Variants in STK3 observed in about 807,000 individuals in gnomAD.
STK3 encodes the protein serine/threonine-protein kinase 3.
In STK3, 41 loss-of-function variants were observed where a neutral mutation model predicts 58.0. The ratio of observed to expected loss-of-function variants is 0.71; its 90% CI spans 0.55 to 0.92. The LOEUF (loss-of-function observed/expected upper bound fraction) is 0.92. Ranked by LOEUF, STK3 falls within the 40% of genes least tolerant of loss-of-function variation. The pLI is 0.00. For synonymous variants in STK3, 170 were observed against 191.0 expected (o/e 0.89, Z 0.91); for missense variants, 479 against 602.7 (o/e 0.79, Z 2.15).
chr8:98,825,306 G>A (rs1835178726), intron 1 of STK3, among the ~76,000 whole-genome samples: 3 of 152,068 alleles, frequency 2.0e-5, no homozygotes, highest in South Asian at 2.1e-4. Flanking sequence ...CCTGCCGGCC[G>A]CAGGGGAGGC....
chr8:98,910,310 AC>A (rs1037907435), intron 1 of STK3, among the ~76,000 whole-genome samples: 1 of 152,218 alleles, frequency 6.6e-6, no homozygotes, highest in African/African-American at 2.4e-5. Context: ...TGAAAATGTA[AC>A]CAGGACTTAA....
chr8:98,635,857 G>A (rs1355665078), intron 6 of STK3, among the ~76,000 whole-genome samples: 1 of 150,570 alleles, frequency 6.6e-6, no homozygotes, highest in Non-Finnish European at 1.5e-5. Context: ...AATGCAGATT[G>A]CTGAACCCCT....
intron 1 of STK3, chr8:98,904,733 G>T (rs1838820710): frequency 2.4e-6 from 2 of 833,272 alleles, no homozygotes; most frequent in Non-Finnish European, 2.0e-6. Flanking sequence ...CTCTCCAACT[G>T]TGGGGAGCAT....
intron 1 of STK3, chr8:98,905,496 T>C: frequency 6.8e-6 from 8 of 1,179,314 alleles, no homozygotes; most frequent in Middle Eastern, 1.9e-4. Flanking sequence ...CCCATGAAGC[T>C]TGTAATGATG....
chr8:98,404,135 G>A (rs1046193875), intron 3 of STK3, among the ~76,000 whole-genome samples: 6 of 152,142 alleles, frequency 3.9e-5, no homozygotes, highest in African/African-American at 1.2e-4. Flanking sequence ...CATTTACAGC[G>A]AATCTAGTTT....
At chr8:98,700,833 C>T (rs772682362) in intron 6 of STK3, among the ~76,000 whole-genome samples, 4 of 152,122 alleles carry the variant, frequency 2.6e-5, no homozygotes, top group Non-Finnish European at 5.9e-5. Context: ...TTTCCCTATG[C>T]TGAACAACAG....
At chr8:98,785,808 C>T (rs997112058) in intron 1 of STK3, among the ~76,000 whole-genome samples, 1 of 152,060 alleles carries the variant, frequency 6.6e-6, no homozygotes, top group African/African-American at 2.4e-5. Flanking sequence ...CACTCACAAC[C>T]CCTAAGGAGT....
At chr8:98,678,712 T>C (rs907895422) in intron 6 of STK3, among the ~76,000 whole-genome samples, 1 of 152,218 alleles carries the variant, frequency 6.6e-6, no homozygotes, top group South Asian at 2.1e-4. Context: ...AAAACCAGTA[T>C]GTACTAATGG....
At chr8:98,521,914 G>C (rs1262868093) in intron 10 of STK3, among the ~76,000 whole-genome samples, 1 of 151,902 alleles carries the variant, frequency 6.6e-6, no homozygotes, top group African/African-American at 2.4e-5. Flanking sequence ...AAACCACATG[G>C]CAATGTCTGA....
chr8:98,907,814 G>A (rs1838975273), intron 1 of STK3, among the ~76,000 whole-genome samples: 1 of 152,134 alleles, frequency 6.6e-6, no homozygotes, highest in Non-Finnish European at 1.5e-5. Flanking sequence ...TCCAGACTAG[G>A]TCCATAACTT....
At chr8:98,439,309 G>A (rs888179418) in intron 1 of STK3, 1 of 152,142 alleles carries the variant, frequency 6.6e-6, no homozygotes, top group African/African-American at 2.4e-5. Flanking sequence ...GGTCCCTGTG[G>A]AGTCGATTTG....
intron 3 of STK3, among the ~76,000 whole-genome samples, chr8:98,419,470 C>T (rs372951747): frequency 8.1e-4 from 123 of 152,276 alleles, no homozygotes; most frequent in African/African-American, 2.9e-3. Flanking sequence ...AAATGCAGTG[C>T]GGATAAGTTC....
intron 1 of STK3, among the ~76,000 whole-genome samples, chr8:98,893,260 A>G (rs1426453723): frequency 6.6e-6 from 1 of 151,644 alleles, no homozygotes; most frequent in Non-Finnish European, 1.5e-5. Context: ...ATGGTGGTGC[A>G]TGCCTGTAGT....
intron 4 of STK3, among the ~76,000 whole-genome samples, chr8:98,741,455 T>C (rs150482333): frequency 0.043 from 6,560 of 152,098 alleles, 142 homozygotes; most frequent in East Asian, 0.056. Context: ...TCAAAACCAC[T>C]CAACTACATG....
At chr8:98,446,117 T>A (rs528607748) in intron 1 of STK3, among the ~76,000 whole-genome samples, 1 of 152,236 alleles carries the variant, frequency 6.6e-6, no homozygotes, top group South Asian at 2.1e-4. Flanking sequence ...TGTCTTTATA[T>A]ATGCTTTGCC....
At chr8:98,810,842 T>C (rs1394908569) in intron 1 of STK3, among the ~76,000 whole-genome samples, 1 of 152,194 alleles carries the variant, frequency 6.6e-6, no homozygotes, top group Admixed American at 6.5e-5. Context: ...TCCCTGGCGA[T>C]GAGTGAGTTC....
intron 10 of STK3, among the ~76,000 whole-genome samples, chr8:98,482,279 CT>C (rs1288255327): frequency 6.6e-6 from 1 of 152,124 alleles, no homozygotes; most frequent in Non-Finnish European, 1.5e-5. Context: ...GCTGTGATTC[CT>C]AAGAACAACT....
intron 3 of STK3, among the ~76,000 whole-genome samples, chr8:98,873,130 T>C (rs1439071643): frequency 6.6e-6 from 1 of 152,184 alleles, no homozygotes; most frequent in Non-Finnish European, 1.5e-5. Flanking sequence ...TTGTTCAGTT[T>C]CCATGTAGTT....
At chr8:98,756,428 C>A (rs1223197253) in intron 3 of STK3, among the ~76,000 whole-genome samples, 1 of 152,002 alleles carries the variant, frequency 6.6e-6, no homozygotes, top group Non-Finnish European at 1.5e-5. Context: ...AATGGAGTTG[C>A]ATATGTAGGC....
Sources: allele counts gnomAD v4.1 joint callset (sites outside exome capture counted in the v4.1 genomes callset), GRCh38; gene constraint gnomAD v4.1.1; transcripts MANE v1.5; gene names NCBI Gene and HGNC (gene_info 2026-07-23, HGNC 2026-07-21).